Variants in CELF2 observed in about 807,000 individuals in gnomAD.
CELF2 encodes CUGBP Elav-like family member 2, also known as CUG triplet repeat RNA-binding protein 2.
In CELF2, 8 loss-of-function variants were observed where a neutral mutation model predicts 62.6. The observed-to-expected ratio is 0.13, with a 90% CI of 0.07 to 0.23. CELF2 has a LOEUF of 0.23. Ranked by LOEUF, CELF2 falls within the 10% of genes least tolerant of loss-of-function variation. The pLI is 1.00. For synonymous variants in CELF2, 258 were observed against 250.0 expected (o/e 1.03, Z -0.30); for missense variants, 333 against 671.0 (o/e 0.50, Z 5.56).
intron 4 of CELF2, among the ~76,000 whole-genome samples, chr10:11,257,100 A>G (rs1435640819): frequency 1.3e-5 from 2 of 152,102 alleles, no homozygotes; most frequent in African/African-American, 4.8e-5. Flanking sequence ...TTAGCACTGC[A>G]TCACCAGTGT....
intron 1 of CELF2, among the ~76,000 whole-genome samples, chr10:10,850,795 G>T (rs1338245896): frequency 6.6e-6 from 1 of 151,922 alleles, no homozygotes; most frequent in Non-Finnish European, 1.5e-5. Flanking sequence ...ATAGATATTA[G>T]TTTATTTATT....
At chr10:10,713,972 T>C in the CELF2 span, among the ~76,000 whole-genome samples, 5 of 152,126 alleles carry the variant, frequency 3.3e-5, no homozygotes, top group African/African-American at 1.2e-4. Flanking sequence ...GAGGTGAAGA[T>C]TCCAGTGAGT....
At chr10:10,925,935 G>A (rs1053451242) in intron 2 of CELF2, among the ~76,000 whole-genome samples, 3 of 152,056 alleles carry the variant, frequency 2.0e-5, no homozygotes, top group Non-Finnish European at 4.4e-5. Flanking sequence ...CTTCCTCCCT[G>A]CCCCAGCCCC....
chr10:11,239,338 T>A (rs1162876184), intron 3 of CELF2, among the ~76,000 whole-genome samples: 3 of 152,196 alleles, frequency 2.0e-5, no homozygotes, highest in African/African-American at 7.2e-5. Flanking sequence ...TATATAATCC[T>A]GGGTTCTGCA....
chr10:10,968,880 A>G (rs1408711684), intron 2 of CELF2, among the ~76,000 whole-genome samples: 1 of 152,214 alleles, frequency 6.6e-6, no homozygotes, highest in East Asian at 1.9e-4. Flanking sequence ...TACATTTCTA[A>G]TGACTGGAGC....
At chr10:10,900,488 G>T (rs1215542410) in intron 1 of CELF2, among the ~76,000 whole-genome samples, 1 of 151,780 alleles carries the variant, frequency 6.6e-6, no homozygotes, top group Non-Finnish European at 1.5e-5. Context: ...ATGGAGAAAA[G>T]GATTTGACAA....
the CELF2 span, among the ~76,000 whole-genome samples, chr10:10,472,520 A>G: frequency 1.6e-4 from 25 of 151,826 alleles, no homozygotes; most frequent in African/African-American, 5.8e-4. Context: ...GCTGCTGTTA[A>G]GGTTTTGTCT....
At chr10:10,911,853 C>T (rs986748004) in intron 1 of CELF2, among the ~76,000 whole-genome samples, 11 of 152,232 alleles carry the variant, frequency 7.2e-5, no homozygotes, top group Non-Finnish European at 1.5e-4. Context: ...ATGTAGCTGG[C>T]TCATATTGCA....
chr10:10,666,723 G>C, the CELF2 span, among the ~76,000 whole-genome samples: 2 of 123,328 alleles, frequency 1.6e-5, no homozygotes, highest in Non-Finnish European at 3.3e-5. Context: ...TTAGCCGGGC[G>C]TGGTAGCGGG....
intron 3 of CELF2, among the ~76,000 whole-genome samples, chr10:11,240,594 G>A (rs1175447340): frequency 6.8e-6 from 1 of 147,560 alleles, no homozygotes; most frequent in Non-Finnish European, 1.5e-5. Context: ...CACTTCCCTG[G>A]CCTGACTCTA....
At chr10:11,312,445 A>C (rs1016059101) in intron 9 of CELF2, among the ~76,000 whole-genome samples, 2 of 152,256 alleles carry the variant, frequency 1.3e-5, no homozygotes, top group Non-Finnish European at 2.9e-5. Context: ...GACTACATGA[A>C]TATCCCACAT....
the CELF2 span, among the ~76,000 whole-genome samples, chr10:10,783,015 T>C: frequency 6.6e-6 from 1 of 152,362 alleles, no homozygotes; most frequent in South Asian, 2.1e-4. Context: ...ATATGTTTTA[T>C]AGTCTGTAAA....
At chr10:10,648,617 A>T in the CELF2 span, among the ~76,000 whole-genome samples, 1 of 152,192 alleles carries the variant, frequency 6.6e-6, no homozygotes, top group East Asian at 1.9e-4. Context: ...GCTCTATGTC[A>T]TGATAGATCG....
chr10:11,023,727 A>G (rs1232767096), intron 1 of CELF2, among the ~76,000 whole-genome samples: 1 of 152,254 alleles, frequency 6.6e-6, no homozygotes, highest in African/African-American at 2.4e-5. Flanking sequence ...TTATAGAAAT[A>G]CAATTCCAGT....
the CELF2 span, among the ~76,000 whole-genome samples, chr10:10,504,266 G>A: frequency 6.6e-6 from 1 of 151,966 alleles, no homozygotes; most frequent in Non-Finnish European, 1.5e-5. Flanking sequence ...GTCTGCATGT[G>A]ACAAATTCTC....
intron 3 of CELF2, among the ~76,000 whole-genome samples, chr10:11,239,543 G>T (rs938476770): frequency 2.6e-5 from 4 of 152,162 alleles, no homozygotes; most frequent in African/African-American, 9.7e-5. Flanking sequence ...CAACTGTAGC[G>T]GGCACTTACT....
At position 11,331,167 on chromosome 10, in the gene CELF2, GA is replaced by G. The variant is rs2096006250; in HGVS notation, c.*2117del. The G allele has an allele frequency of 6.6e-6, 1 of 152,312 alleles. No homozygotes were observed. The highest frequency in any genetic ancestry group is 6.6e-5 in the Admixed American group (1 of 15,230). 9.4% of individuals were successfully genotyped at this position (152,312 alleles called of 1,614,324 possible). Reference sequence around the variant, plus strand: ...TTTTATACTGTTTCAATGTACAGGAGAAAGGTTACTGTAAACTGTGTTATGT... The same window carrying G: ...TTTTATACTGTTTCAATGTACAGGAGAAGGTTACTGTAAACTGTGTTATGT... On this transcript the variant is annotated 3_prime_UTR_variant, in exon 13 of 13. Transcript: ENST00000633077.
the CELF2 span, among the ~76,000 whole-genome samples, chr10:10,711,040 G>T: frequency 6.6e-6 from 1 of 152,090 alleles, no homozygotes; most frequent in African/African-American, 2.4e-5. Flanking sequence ...CCAGAGAATT[G>T]TTTGCGGGGC....
chr10:10,532,147 T>C, the CELF2 span, among the ~76,000 whole-genome samples: 1 of 152,260 alleles, frequency 6.6e-6, no homozygotes, highest in Non-Finnish European at 1.5e-5. Flanking sequence ...ACCCTTTCTG[T>C]TACCATTGGG....
Sources: gnomAD v4.1 joint callset for allele counts (sites outside exome capture counted in the v4.1 genomes callset) on GRCh38, gnomAD v4.1.1 for gene constraint, MANE v1.5 for transcripts, NCBI Gene and HGNC (gene_info 2026-07-23, HGNC 2026-07-21) for gene names.